Variants in MPHOSPH6 observed in about 807,000 individuals in gnomAD.
The protein encoded by MPHOSPH6 is M-phase phosphoprotein 6.
In MPHOSPH6, 25 loss-of-function variants were observed where a neutral mutation model predicts 21.8. The ratio of observed to expected loss-of-function variants is 1.15; its 90% confidence interval spans 0.83 to 1.60. The LOEUF is 1.60. Ranked by LOEUF, MPHOSPH6 falls within the 40% of genes most tolerant of loss-of-function variation. The pLI is 0.00. For synonymous variants in MPHOSPH6, 84 were observed against 56.5 expected (o/e 1.49, Z -2.18); for missense variants, 269 against 181.8 (o/e 1.48, Z -2.76).
At chr16:82,156,122 G>T (rs1906421188) in intron 2 of MPHOSPH6, among the ~76,000 whole-genome samples, 1 of 151,906 alleles carries the variant, frequency 6.6e-6, no homozygotes, top group Non-Finnish European at 1.5e-5. Context: ...AACCATAAAA[G>T]AAAAAATTGA....
In MPHOSPH6 at chr16:82,151,451, T is replaced by C. The variant is rs1373447440; in HGVS notation, c.228A>G (p.Ser76=). 3.7e-6 allele frequency: 6 copies of C among 1,607,344 alleles called. No individual in the cohort carries two copies. The highest frequency in any genetic ancestry group is 3.4e-5 in the Admixed American group (2 of 58,872). Residue 76 remains serine, a synonymous_variant, in exon 3 of 5, where the codon TCA becomes TCG. Coordinates refer to ENST00000258169, the MANE Select transcript of MPHOSPH6 (RefSeq NM_005792.2). ...CAACCTCAGGATTAAATCCTCTGAA[T>C]GACATTCTTCCATAGAGAAGATCTT... ...LCEDLLYGRM[S]FRGFNPEVEK... is the part of the protein sequence containing the mutation.
At chr16:82,168,557 A>C (rs1293351154) in intron 1 of MPHOSPH6, among the ~76,000 whole-genome samples, 3 of 148,784 alleles carry the variant, frequency 2.0e-5, no homozygotes, top group Non-Finnish European at 4.4e-5. Context: ...TGCAGCCTTG[A>C]TCTCCCAAGC....
chr16:82,169,946 G>C (rs1358971956), intron 1 of MPHOSPH6, 179 bp downstream of exon 1: 3 of 701,628 alleles, frequency 4.3e-6, no homozygotes, highest in African/African-American at 3.7e-5. Flanking sequence ...GGCCTAATTC[G>C]TAAGCTGGTT....
At chr16:82,160,457 C>T (rs1906571778) in intron 2 of MPHOSPH6, among the ~76,000 whole-genome samples, 1 of 152,186 alleles carries the variant, frequency 6.6e-6, no homozygotes, top group African/African-American at 2.4e-5. Context: ...GCACTAACTG[C>T]CCGGTTGCTC....
Position 82,148,649 on chromosome 16 carries a change from A to C in MPHOSPH6, c.*82T>G. 1 of 1,507,972 alleles carries C rather than the reference A, an allele frequency of 6.6e-7. No individual in the cohort carries two copies. Among genetic ancestry groups the C allele is most frequent in the Non-Finnish European group, 9.0e-7 (1 of 1,113,022 alleles). The allele number at this position is 1,507,972 out of a possible 1,614,324, so 93.4% of individuals were successfully genotyped here. A position where few individuals can be genotyped will look rare whatever the true frequency, so the allele number is the denominator to read the frequency against. ...AGTAAACGTTACAGTATTAATAACTATAGAGACACCATTGGGATGAGCTCC... is the reference window on the plus strand; with the variant it reads ...AGTAAACGTTACAGTATTAATAACTCTAGAGACACCATTGGGATGAGCTCC... On this transcript the variant is annotated 3_prime_UTR_variant, in exon 5 of 5. Transcript: ENST00000258169.
chr16:82,155,927 G>A lies in MPHOSPH6; in HGVS notation c.165-4413C>T, dbSNP rs186080344. On this transcript the variant is annotated intron_variant, in intron 2 of 4. Transcript: ENST00000258169. Reference sequence around the variant, plus strand: ...CTCAAAAAAAAAAAAAAAGTTAATAGGATCACAGGTTATCTATGAAAGACA... The same window carrying A: ...CTCAAAAAAAAAAAAAAAGTTAATAAGATCACAGGTTATCTATGAAAGACA... 4.2e-4 allele frequency among the ~76,000 whole-genome samples: 64 copies of A among 151,506 alleles called. No individual in the cohort carries two copies. The South Asian group carries it at 4.6e-3, about 11-fold the overall frequency.
At chr16:82,157,013 T>G (rs1906449371) in intron 2 of MPHOSPH6, among the ~76,000 whole-genome samples, 1 of 152,074 alleles carries the variant, frequency 6.6e-6, no homozygotes, top group African/African-American at 2.4e-5. Context: ...GTTGCGCCAG[T>G]GCACTGTAGC....
chr16:82,160,107 C>T (rs112329131), intron 2 of MPHOSPH6, among the ~76,000 whole-genome samples: 56 of 151,196 alleles, frequency 3.7e-4, no homozygotes, highest in South Asian at 2.1e-4. Flanking sequence ...GTTTTTCCCA[C>T]GGGTTTGCAT....
Position 82,148,851 on chromosome 16 carries a change from C to T in MPHOSPH6, c.363G>A (p.Leu121=). The change falls in exon 5 of 5, where the codon TTG becomes TTA. Residue 121 remains leucine, a synonymous_variant. Coordinates refer to ENST00000258169, the MANE Select transcript of MPHOSPH6 (RefSeq NM_005792.2). ...CAAACTTTTTCCCAATTGTCCCCAC[C>T]AAGGTCTCATATCTGTCAAGAGGAC... is the stretch of plus-strand genomic sequence containing the variant. The part of the protein sequence containing the change: ...DEEMARRYET[L]VGTIGKKFAR... 1 of 1,614,124 alleles carries T rather than the reference C, an allele frequency of 6.2e-7. No individual in the cohort carries two copies. The highest frequency in any genetic ancestry group is 1.7e-5 in the Admixed American group (1 of 60,012).
chr16:82,153,035 G>C (rs11645618), intron 2 of MPHOSPH6, among the ~76,000 whole-genome samples: 2 of 152,000 alleles, frequency 1.3e-5, no homozygotes, highest in Non-Finnish European at 2.9e-5. Flanking sequence ...GCTGAGGCAG[G>C]AGAACTGCTC....
At chr16:82,165,981 G>A (rs974368892) in intron 1 of MPHOSPH6, among the ~76,000 whole-genome samples, 1 of 152,210 alleles carries the variant, frequency 6.6e-6, no homozygotes, top group Non-Finnish European at 1.5e-5. Context: ...TACAGCCACT[G>A]TGGAAAACAG....
chr16:82,166,365 C>T (rs1245203945), intron 1 of MPHOSPH6, among the ~76,000 whole-genome samples: 3 of 152,226 alleles, frequency 2.0e-5, no homozygotes, highest in African/African-American at 7.2e-5. Flanking sequence ...TTTGCCTTTG[C>T]GACTTAACAC....
Position 82,149,464 on chromosome 16 carries a change from C to G in MPHOSPH6, c.256-61G>C, listed in dbSNP as rs111229530. On this transcript the variant is annotated intron_variant, in intron 3 of 4. Transcript: ENST00000258169. Reference sequence around the variant, plus strand: ...AAACGCTTGTGAAAGGAACTGATGTCAAACTTACCTGAAGGCAGAGAAACT... The same window carrying G: ...AAACGCTTGTGAAAGGAACTGATGTGAAACTTACCTGAAGGCAGAGAAACT... 2.7e-3 allele frequency: 3,753 copies of G among 1,407,158 alleles called. 93 individuals carry two copies. The African/African-American group carries it at 0.047, about 18-fold the overall frequency. The allele number at this position is 1,407,158 out of a possible 1,614,324, so 87.2% of individuals were successfully genotyped here.
intron 2 of MPHOSPH6, 48 bp from the exon 3 acceptor site, chr16:82,151,562 A>G (rs1050406104): frequency 1.3e-6 from 2 of 1,518,762 alleles, no homozygotes; most frequent in Non-Finnish European, 1.8e-6. Context: ...AAAGCACAGC[A>G]AACAAAAGCC....
chr16:82,162,867 A>C (rs1005395109), intron 2 of MPHOSPH6, among the ~76,000 whole-genome samples: 3 of 152,238 alleles, frequency 2.0e-5, no homozygotes, highest in Non-Finnish European at 4.4e-5. Flanking sequence ...TAGGGGAAAA[A>C]TACTGGAAAC....
In MPHOSPH6 at chr16:82,157,746, G is replaced by T. The variant is rs1413974517; in HGVS notation, c.165-6232C>A. Among the ~76,000 whole-genome samples the T allele has an allele frequency of 2.0e-5, 3 of 152,164 alleles. No individual in the cohort carries two copies. In the East Asian group the frequency reaches 5.8e-4, roughly 29 times the overall value. On this transcript the variant is annotated intron_variant, in intron 2 of 4. Coordinates refer to ENST00000258169, the MANE Select transcript of MPHOSPH6 (RefSeq NM_005792.2). The stretch of plus-strand genomic sequence containing the variant: ...CTTGTCAGGGGTGACATCTGAGCAA[G>T]GACCAGGAGGCAGTGAGGAAGCAAG...
chr16:82,148,617 C>G lies in MPHOSPH6; in HGVS notation c.*114G>C, dbSNP rs1906156902. The G allele has an allele frequency of 2.3e-6, 3 of 1,291,254 alleles. No individual in the cohort carries two copies. The highest frequency in any genetic ancestry group is 3.1e-6 in the Non-Finnish European group (3 of 955,550). 80.0% of individuals were successfully genotyped at this position (1,291,254 alleles called of 1,614,324 possible). A position where few individuals can be genotyped will look rare whatever the true frequency, so the allele number is the denominator to read the frequency against. On this transcript the variant is annotated 3_prime_UTR_variant, in exon 5 of 5. Transcript: ENST00000258169. The stretch of plus-strand genomic sequence containing the variant: ...CAGCATGTTTCTAAAATGATAATCT[C>G]TTTACAAGTAAACGTTACAGTATTA...
chr16:82,165,911 GTGC>G (rs1906763466), intron 1 of MPHOSPH6, among the ~76,000 whole-genome samples: 1 of 152,220 alleles, frequency 6.6e-6, no homozygotes, highest in African/African-American at 2.4e-5. Flanking sequence ...ATAACATCAA[GTGC>G]TGAAGAGAAT....
At chr16:82,149,004 CA>C in intron 4 of MPHOSPH6, 141 bp from the exon 5 acceptor site, 3 of 1,146,820 alleles carry the variant, frequency 2.6e-6, no homozygotes, top group Non-Finnish European at 3.7e-6. Context: ...TCTGATTTAA[CA>C]ATTTATGAAC....
Sources: gnomAD v4.1 joint callset for allele counts (sites outside exome capture counted in the v4.1 genomes callset) on GRCh38, gnomAD v4.1.1 for gene constraint, MANE v1.5 for transcripts, NCBI Gene and HGNC (gene_info 2026-07-23, HGNC 2026-07-21) for gene names.